Variants in ARID4B observed in about 807,000 individuals in gnomAD.
ARID4B encodes AT-rich interaction domain 4B.
A neutral mutation model predicts 147.5 loss-of-function variants in ARID4B; 26 were observed. The ratio of observed to expected loss-of-function variants is 0.18; its 90% confidence interval spans 0.13 to 0.24. The LOEUF (loss-of-function observed/expected upper bound fraction) is 0.24. ARID4B is among the 10% of genes least tolerant of loss of function. ARID4B has a pLI of 1.00. For synonymous variants in ARID4B, 512 were observed against 507.9 expected, an observed-to-expected ratio of 1.01 and a Z score of -0.11; for missense variants, 1,179 against 1,511.5, an observed-to-expected ratio of 0.78 and a Z score of 3.65.
chr1:235,297,543 C>A (rs984961935), intron 2 of ARID4B, among the ~76,000 whole-genome samples: 2 of 152,142 alleles, frequency 1.3e-5, no homozygotes, highest in African/African-American at 4.8e-5. Flanking sequence ...AGTCAACAAT[C>A]CTCAGATGCT....
chr1:235,191,906 C>T (rs952130501), intron 19 of ARID4B, among the ~76,000 whole-genome samples: 2 of 151,930 alleles, frequency 1.3e-5, no homozygotes, highest in African/African-American at 4.8e-5. Flanking sequence ...GGTGAAACCC[C>T]ATCTCTACAA....
chr1:235,224,811 A>T (rs762201408), intron 11 of ARID4B, 36 bp from the exon 12 acceptor site: 1 of 1,378,564 alleles, frequency 7.3e-7, no homozygotes, highest in South Asian at 1.3e-5. Context: ...ATTTTCTTCA[A>T]TTAAGCATTT....
chr1:235,209,563 G>GTTTTT lies in ARID4B; in HGVS notation c.1841+4205_1841+4206insAAAAA, dbSNP rs374681138. On this transcript the variant is annotated intron_variant, in intron 17 of 23. Transcript: ENST00000264183. ...AAGAAAATTGATTTTTTTGTTTTTT[G>GTTTTT]TTTTGTTTTTTTTTTTTTGAGATGG... Among the ~76,000 whole-genome samples, 686 of 137,046 alleles carry GTTTTT rather than the reference G, an allele frequency of 5.0e-3. 14 individuals carry two copies. Among genetic ancestry groups the GTTTTT allele is most frequent in the African/African-American group, 0.019 (663 of 34,970 alleles). The allele number at this position is 137,046 out of a possible 152,430, so 89.9% of individuals were successfully genotyped here. A position where few individuals can be genotyped will look rare whatever the true frequency, so the allele number is the denominator to read the frequency against.
At chr1:235,282,411 T>C (rs754044923) in intron 2 of ARID4B, among the ~76,000 whole-genome samples, 13 of 152,326 alleles carry the variant, frequency 8.5e-5, no homozygotes, top group Non-Finnish European at 1.8e-4. Flanking sequence ...TGGTAGGCTT[T>C]GGGATAACAG....
chr1:235,257,469 C>T (rs116595514), intron 3 of ARID4B, among the ~76,000 whole-genome samples: 4,375 of 150,176 alleles, frequency 0.029, 240 homozygotes, highest in African/African-American at 0.1. Context: ...TTCCACATGT[C>T]ATTTTTTTTT....
At position 235,167,330 on chromosome 1, in the gene ARID4B, AT is replaced by A. The variant is rs1213169457; in HGVS notation, c.*1194del. Reference sequence around the variant, plus strand: ...GTACTGTGTATTAACAGTGCCAGATATTAAATAGCTTGAATGAACACATCCA... The same window carrying A: ...GTACTGTGTATTAACAGTGCCAGATATAAATAGCTTGAATGAACACATCCA... On this transcript the variant is annotated 3_prime_UTR_variant, in exon 24 of 24. Coordinates refer to ENST00000264183, the MANE Select transcript of ARID4B (RefSeq NM_016374.6). 2 of 220,602 alleles carry A rather than the reference AT, an allele frequency of 9.1e-6. No individual in the cohort carries two copies. Among genetic ancestry groups the A allele is most frequent in the African/African-American group, 4.5e-5 (2 of 44,626 alleles). 13.7% of individuals were successfully genotyped at this position (220,602 alleles called of 1,614,324 possible).
intron 17 of ARID4B, among the ~76,000 whole-genome samples, chr1:235,205,836 A>G (rs2102989994): frequency 6.6e-6 from 1 of 152,360 alleles, no homozygotes; most frequent in Non-Finnish European, 1.5e-5. Context: ...TCAAAAAAGC[A>G]CAATGAGATA....
intron 21 of ARID4B, 143 bp from the exon 22 acceptor site, chr1:235,175,542 T>C (rs1480215070): frequency 6.1e-6 from 4 of 653,858 alleles, no homozygotes; most frequent in Non-Finnish European, 1.0e-5. Context: ...CATATACAAA[T>C]GCAGCAGCAT....
At chr1:235,249,482 G>A (rs1436792319) in intron 6 of ARID4B, among the ~76,000 whole-genome samples, 1 of 151,960 alleles carries the variant, frequency 6.6e-6, no homozygotes. Context: ...GCTAAAACCA[G>A]TGGCTTCAGT....
intron 17 of ARID4B, among the ~76,000 whole-genome samples, chr1:235,209,919 T>C (rs1339939301): frequency 6.6e-6 from 1 of 151,924 alleles, no homozygotes; most frequent in East Asian, 1.9e-4. Flanking sequence ...TTTGAGAAAA[T>C]CTCTTTACCG....
intron 4 of ARID4B, among the ~76,000 whole-genome samples, chr1:235,256,237 T>C (rs1322375835): frequency 6.8e-6 from 1 of 147,620 alleles, no homozygotes; most frequent in Non-Finnish European, 1.5e-5. Context: ...TCAGTGAAAA[T>C]GTTAATGTAG....
intron 2 of ARID4B, among the ~76,000 whole-genome samples, chr1:235,264,677 A>C (rs572785264): frequency 2.0e-5 from 3 of 152,354 alleles, no homozygotes; most frequent in African/African-American, 7.2e-5. Flanking sequence ...ATATTATGAA[A>C]CACTTGATGT....
In ARID4B at chr1:235,238,110, T is replaced by A. The variant is rs566398566; in HGVS notation, c.585+2203A>T. Among the ~76,000 whole-genome samples, 31 of 138,446 alleles carry A rather than the reference T, an allele frequency of 2.2e-4. No individual in the cohort carries two copies. In the East Asian group the frequency reaches 6.1e-3, roughly 27 times the overall value. 90.8% of individuals were successfully genotyped at this position (138,446 alleles called of 152,430 possible). A position where few individuals can be genotyped will look rare whatever the true frequency, so the allele number is the denominator to read the frequency against. On this transcript the variant is annotated intron_variant, in intron 8 of 23. Transcript: ENST00000264183. ...GTGAGCCGAGATCGCACCATTGCACTCCAGCCTGGGCAACAAGGGCGAAAC... is the reference window on the plus strand; with the variant it reads ...GTGAGCCGAGATCGCACCATTGCACACCAGCCTGGGCAACAAGGGCGAAAC...
chr1:235,198,225 A>G (rs1458446272), intron 17 of ARID4B, among the ~76,000 whole-genome samples: 1 of 152,224 alleles, frequency 6.6e-6, no homozygotes, highest in Non-Finnish European at 1.5e-5. Flanking sequence ...TTCTGTAGCT[A>G]GTTTTATACC....
At chr1:235,242,796 T>A (rs1318963525) in intron 7 of ARID4B, among the ~76,000 whole-genome samples, 1 of 152,152 alleles carries the variant, frequency 6.6e-6, no homozygotes, top group African/African-American at 2.4e-5. Flanking sequence ...ACCTTACATA[T>A]AAAATTGCAA....
At chr1:235,227,788 G>C (rs1247587341) in intron 11 of ARID4B, among the ~76,000 whole-genome samples, 1 of 149,950 alleles carries the variant, frequency 6.7e-6, no homozygotes, top group Non-Finnish European at 1.5e-5. Context: ...AATGATTCAA[G>C]ATTCTCTGAA....
chr1:235,222,071 G>C (rs767432124), intron 13 of ARID4B, among the ~76,000 whole-genome samples: 6 of 151,452 alleles, frequency 4.0e-5, no homozygotes, highest in Non-Finnish European at 8.8e-5. Flanking sequence ...CACCACACCT[G>C]GCTAATTAAA....
chr1:235,220,998 A>G (rs1667432275), intron 14 of ARID4B, among the ~76,000 whole-genome samples: 1 of 152,152 alleles, frequency 6.6e-6, no homozygotes, highest in Non-Finnish European at 1.5e-5. Context: ...CCTGGGTTCA[A>G]GCAATTCTCC....
Position 235,257,151 on chromosome 1 carries a change from A to T in ARID4B, c.183+9T>A. 1 of 1,593,100 alleles carries T rather than the reference A, an allele frequency of 6.3e-7. No individual in the cohort carries two copies. The highest frequency in any genetic ancestry group is 1.1e-5 in the South Asian group (1 of 90,544). ...AACCATTAGAATTAACAATGAATAC[A>T]TGAATTACCTTTAGTGGGCCCTTTA... is the stretch of plus-strand genomic sequence containing the variant. On this transcript the variant is annotated intron_variant, in intron 4 of 23. Transcript: ENST00000264183.
Sources: allele counts gnomAD v4.1 joint callset (sites outside exome capture counted in the v4.1 genomes callset), GRCh38; gene constraint gnomAD v4.1.1; transcripts MANE v1.5; gene names NCBI Gene and HGNC (gene_info 2026-07-23, HGNC 2026-07-21).